The following UVRAG variants were observed in gnomAD, a reference collection of about 807,000 sequenced individuals.
The protein encoded by UVRAG is UV radiation resistance associated.
A neutral mutation model predicts 78.0 loss-of-function variants in UVRAG; 19 were observed. The ratio of observed to expected loss-of-function variants is 0.24; its 90% confidence interval spans 0.17 to 0.36. The LOEUF (loss-of-function observed/expected upper bound fraction) is 0.36. Ranked by LOEUF, UVRAG falls within the 10% of genes least tolerant of loss-of-function variation. The probability of loss-of-function intolerance (pLI) is 1.00; values close to 1 mark genes in which losing one functional copy is unlikely to be tolerated. For synonymous variants in UVRAG, 323 were observed against 324.6 expected (o/e 1.00, Z 0.05); for missense variants, 740 against 853.8 (o/e 0.87, Z 1.66).
chr11:75,839,852 C>A (rs541103112), intron 1 of UVRAG, among the ~76,000 whole-genome samples: 3 of 149,970 alleles, frequency 2.0e-5, no homozygotes, highest in Non-Finnish European at 1.5e-5. Context: ...CACCCCCACA[C>A]ATATATATAT....
At chr11:76,096,806 A>G (rs1454703019) in intron 13 of UVRAG, among the ~76,000 whole-genome samples, 1 of 152,176 alleles carries the variant, frequency 6.6e-6, no homozygotes, top group Non-Finnish European at 1.5e-5. Context: ...CAGCAGTTTC[A>G]GCTGGGACCT....
intron 14 of UVRAG, chr11:76,137,465 G>A (rs573150747): frequency 4.4e-6 from 2 of 456,220 alleles, no homozygotes; most frequent in East Asian, 1.4e-4. Flanking sequence ...AAGAAAAGCT[G>A]TAATAAAAAT....
chr11:75,823,547 C>G (rs1428262470), intron 1 of UVRAG, among the ~76,000 whole-genome samples: 1 of 152,204 alleles, frequency 6.6e-6, no homozygotes. Flanking sequence ...ATTGCCCAGG[C>G]TGGTCTCTAC....
intron 6 of UVRAG, among the ~76,000 whole-genome samples, chr11:75,935,901 A>T (rs943477854): frequency 6.6e-6 from 1 of 152,226 alleles, no homozygotes; most frequent in Non-Finnish European, 1.5e-5. Flanking sequence ...CAGCTGTCTC[A>T]GTGTCCTTTA....
chr11:75,889,161 C>A (rs1947159521), intron 5 of UVRAG, among the ~76,000 whole-genome samples: 1 of 152,152 alleles, frequency 6.6e-6, no homozygotes, highest in Non-Finnish European at 1.5e-5. Context: ...TTCTCTTATT[C>A]TACATAACTC....
chr11:75,846,593 A>ATT lies in UVRAG; in HGVS notation c.118-5278_118-5277dup, dbSNP rs879801288. On this transcript the variant is annotated intron_variant, in intron 1 of 14. Transcript: ENST00000356136. ...AAAGTATAAATCTGTGTCTACATTC[A>ATT]TTTTTTTTTTTTTGCATGTGAATGT... is the stretch of plus-strand genomic sequence containing the variant. Among the ~76,000 whole-genome samples the ATT allele has an allele frequency of 3.9e-3, 545 of 141,044 alleles. 4 individuals are homozygous for ATT. Among genetic ancestry groups the ATT allele is most frequent in the African/African-American group, 0.013 (503 of 38,964 alleles). 92.5% of individuals were successfully genotyped at this position (141,044 alleles called of 152,430 possible).
At chr11:76,131,273 A>G (rs1296262009) in intron 14 of UVRAG, among the ~76,000 whole-genome samples, 2 of 152,156 alleles carry the variant, frequency 1.3e-5, no homozygotes, top group African/African-American at 4.8e-5. Context: ...ATCTCCGTGG[A>G]GGATCACTGT....
chr11:75,912,843 C>T (rs1947768493), intron 6 of UVRAG, among the ~76,000 whole-genome samples: 2 of 152,196 alleles, frequency 1.3e-5, no homozygotes, highest in Non-Finnish European at 2.9e-5. Flanking sequence ...CAAAATTGGC[C>T]TTTCGTTTGT....
chr11:76,016,716 A>C, intron 11 of UVRAG, 99 bp from the exon 12 acceptor site: 2 of 1,079,624 alleles, frequency 1.9e-6, no homozygotes. Flanking sequence ...TTTATGTACC[A>C]CATATTTTTA....
At chr11:75,936,482 A>G (rs544343015) in intron 6 of UVRAG, among the ~76,000 whole-genome samples, 2 of 152,326 alleles carry the variant, frequency 1.3e-5, no homozygotes, top group South Asian at 2.1e-4. Context: ...AATTGTATCA[A>G]TGTAGACACA....
intron 1 of UVRAG, among the ~76,000 whole-genome samples, chr11:75,817,292 T>C (rs1468828468): frequency 2.0e-5 from 3 of 152,086 alleles, no homozygotes; most frequent in Non-Finnish European, 4.4e-5. Flanking sequence ...TGTGTGGGAT[T>C]AGGAAAGAGA....
chr11:75,876,783 A>G, intron 3 of UVRAG, among the ~76,000 whole-genome samples: 1 of 149,304 alleles, frequency 6.7e-6, no homozygotes. Flanking sequence ...TAATATGAAA[A>G]TTGGTAATAG....
At chr11:76,078,752 CAAAAA>C (rs61700855) in intron 13 of UVRAG, among the ~76,000 whole-genome samples, 25 of 37,200 alleles carry the variant, frequency 6.7e-4, no homozygotes, top group African/African-American at 1.7e-3. Context: ...ACTAAAAATA[CAAAAA>C]AAAAAAAAAA....
intron 3 of UVRAG, among the ~76,000 whole-genome samples, chr11:75,875,249 A>C (rs868496496): frequency 6.6e-6 from 1 of 152,144 alleles, no homozygotes; most frequent in South Asian, 2.1e-4. Context: ...TTCTGAGTTC[A>C]CTTTGCCTAA....
chr11:76,048,157 C>T (rs1591174969), intron 12 of UVRAG, among the ~76,000 whole-genome samples: 1 of 152,158 alleles, frequency 6.6e-6, no homozygotes, highest in South Asian at 2.1e-4. Context: ...TAAATCACTG[C>T]ACATAGCTAT....
At chr11:76,008,320 C>T (rs2135347846) in intron 10 of UVRAG, among the ~76,000 whole-genome samples, 1 of 152,164 alleles carries the variant, frequency 6.6e-6, no homozygotes, top group African/African-American at 2.4e-5. Context: ...GGGTAACTGT[C>T]AGGCTGTTAG....
At chr11:75,997,032 A>G (rs1949721278) in intron 8 of UVRAG, among the ~76,000 whole-genome samples, 1 of 152,240 alleles carries the variant, frequency 6.6e-6, no homozygotes, top group Non-Finnish European at 1.5e-5. Context: ...ATTTAGTTTC[A>G]TATGTGCAAT....
At chr11:75,927,460 T>A (rs1591027062) in intron 6 of UVRAG, among the ~76,000 whole-genome samples, 2 of 152,224 alleles carry the variant, frequency 1.3e-5, no homozygotes, top group African/African-American at 4.8e-5. Flanking sequence ...AGTGTTGTTA[T>A]GTTCTAGGCT....
At position 75,815,486 on chromosome 11, in the gene UVRAG, G is replaced by T; in HGVS notation, c.79G>T (p.Ala27Ser). 8.0e-7 allele frequency: 1 copy of T among 1,243,866 alleles called. No individual in the cohort carries two copies. The allele number at this position is 1,243,866 out of a possible 1,614,324, so 77.1% of individuals were successfully genotyped here. Reference protein sequence around the residue: ...GPAAALPPGSAARALHVELPS... With the variant: ...GPAAALPPGSSARALHVELPS... Reference sequence around the variant, plus strand: ...GGCCGCTGCTCTGCCTCCCGGTTCTGCCGCGCGGGCCCTGCATGTGGAGCT... The same window carrying T: ...GGCCGCTGCTCTGCCTCCCGGTTCTTCCGCGCGGGCCCTGCATGTGGAGCT... The change falls in exon 1 of 15, where the codon GCC becomes TCC. Residue 27 changes from alanine (A) to serine (S), a missense_variant. By Grantham distance (99) the Ala-to-Ser change is moderately conservative (BLOSUM62 1). Transcript: ENST00000356136.
Sources: allele counts gnomAD v4.1 joint callset (sites outside exome capture counted in the v4.1 genomes callset), GRCh38; gene constraint gnomAD v4.1.1; transcripts MANE v1.5; gene names NCBI Gene and HGNC (gene_info 2026-07-23, HGNC 2026-07-21).